KCTD16: variants seen among roughly 807,000 people sequenced by gnomAD.
KCTD16 encodes the protein BTB/POZ domain-containing protein KCTD16.
In KCTD16, 13 loss-of-function variants were observed where a neutral mutation model predicts 33.2. The ratio of observed to expected loss-of-function variants is 0.39; its 90% CI spans 0.25 to 0.62. KCTD16 has a LOEUF of 0.62. Among genes scored for constraint, KCTD16 ranks in the 20% least tolerant of loss-of-function variants. KCTD16 has a pLI of 0.50. For synonymous variants in KCTD16, 197 were observed against 195.3 expected (o/e 1.01, Z -0.07); for missense variants, 441 against 525.1 (o/e 0.84, Z 1.57).
At chr5:144,361,639 G>A (rs541716149) in intron 3 of KCTD16, among the ~76,000 whole-genome samples, 1 of 152,098 alleles carries the variant, frequency 6.6e-6, no homozygotes, top group East Asian at 1.9e-4. Context: ...TCCTTTTGGG[G>A]TATAGAAGGA....
intron 3 of KCTD16, among the ~76,000 whole-genome samples, chr5:144,211,339 T>C (rs1200372482): frequency 1.3e-5 from 2 of 152,126 alleles, no homozygotes; most frequent in African/African-American, 2.4e-5. Context: ...AGCCTTTTTT[T>C]TCTCCTGGCT....
intron 3 of KCTD16, among the ~76,000 whole-genome samples, chr5:144,455,511 G>A (rs1754041577): frequency 6.6e-6 from 1 of 152,224 alleles, no homozygotes; most frequent in Non-Finnish European, 1.5e-5. Flanking sequence ...GAAGACTTGA[G>A]TGACAGAGTT....
At chr5:144,299,114 A>AC (rs1756151107) in intron 3 of KCTD16, among the ~76,000 whole-genome samples, 1 of 14,706 alleles carries the variant, frequency 6.8e-5, no homozygotes, top group Non-Finnish European at 1.1e-4. Context: ...ATATATATAT[A>AC]TATATATATA....
At chr5:144,179,526 T>C (rs529554010) in intron 2 of KCTD16, among the ~76,000 whole-genome samples, 54 of 152,332 alleles carry the variant, frequency 3.5e-4, no homozygotes, top group Non-Finnish European at 6.6e-4. Flanking sequence ...GTCTCATCTG[T>C]CCAGTGTTGA....
At chr5:144,418,200 C>A (rs1753122538) in intron 3 of KCTD16, among the ~76,000 whole-genome samples, 1 of 152,064 alleles carries the variant, frequency 6.6e-6, no homozygotes, top group South Asian at 2.1e-4. Context: ...TAGTGCAGAC[C>A]CAAAGCATGA....
intron 3 of KCTD16, among the ~76,000 whole-genome samples, chr5:144,264,970 G>A (rs1426370598): frequency 2.6e-5 from 4 of 152,170 alleles, no homozygotes; most frequent in Non-Finnish European, 5.9e-5. Flanking sequence ...ACAGAAATGA[G>A]TAAATCTTCC....
At chr5:144,387,572 T>G (rs1341947462) in intron 3 of KCTD16, among the ~76,000 whole-genome samples, 2 of 152,200 alleles carry the variant, frequency 1.3e-5, no homozygotes, top group East Asian at 3.9e-4. Context: ...ACTCTTTTGC[T>G]TTCCTGGAAA....
chr5:144,183,565 G>A (rs1042660433), intron 2 of KCTD16, among the ~76,000 whole-genome samples: 1 of 152,038 alleles, frequency 6.6e-6, no homozygotes, highest in African/African-American at 2.4e-5. Flanking sequence ...GTACCATTCT[G>A]TTCCTCTGCC....
intron 3 of KCTD16, among the ~76,000 whole-genome samples, chr5:144,456,731 A>G (rs371639471): frequency 2.7e-5 from 4 of 149,364 alleles, no homozygotes; most frequent in East Asian, 2.0e-4. Flanking sequence ...TTGACACACT[A>G]TCTTTGAGAC....
intron 3 of KCTD16, among the ~76,000 whole-genome samples, chr5:144,409,281 G>T (rs1046585472): frequency 3.3e-5 from 5 of 151,972 alleles, no homozygotes; most frequent in Admixed American, 3.3e-4. Flanking sequence ...TTTTACATTG[G>T]TTATGCTCCA....
chr5:144,228,050 G>A (rs937421288), intron 3 of KCTD16, among the ~76,000 whole-genome samples: 1 of 152,196 alleles, frequency 6.6e-6, no homozygotes, highest in African/African-American at 2.4e-5. Context: ...ATGGGTCTGT[G>A]ATTGTAGGGC....
At chr5:144,224,997 T>C (rs756645772) in intron 3 of KCTD16, among the ~76,000 whole-genome samples, 4 of 152,152 alleles carry the variant, frequency 2.6e-5, no homozygotes, top group Non-Finnish European at 5.9e-5. Flanking sequence ...ATATTAAGAA[T>C]GGGGGTAAGG....
rs552942077 is a variant in KCTD16 at position 144,389,813 on chromosome 5, T to C, written c.833-83847T>C. 1.1e-3 allele frequency among the ~76,000 whole-genome samples: 173 copies of C among 152,298 alleles called. 2 individuals are homozygous for C. Among genetic ancestry groups the C allele is most frequent in the Admixed American group, 5.0e-3 (77 of 15,304 alleles). On this transcript the variant is annotated intron_variant, in intron 3 of 3. Coordinates refer to ENST00000512467, the MANE Select transcript of KCTD16 (RefSeq NM_020768.4). ...AGCATGCTGATAAACATTCTCTTGG[T>C]TGTGTCAAGCTGCCCTTTCTGTTGA... is the stretch of plus-strand genomic sequence containing the variant.
chr5:144,372,662 G>A (rs968485639), intron 3 of KCTD16, among the ~76,000 whole-genome samples: 1 of 152,188 alleles, frequency 6.6e-6, no homozygotes, highest in African/African-American at 2.4e-5. Flanking sequence ...GGACAAGGTG[G>A]ACATGCCAGG....
At chr5:144,472,789 A>G (rs916802869) in intron 3 of KCTD16, among the ~76,000 whole-genome samples, 4 of 152,212 alleles carry the variant, frequency 2.6e-5, no homozygotes, top group African/African-American at 9.6e-5. Context: ...TTCAGAGAGG[A>G]GAAAAAAGCA....
At chr5:144,347,987 C>A (rs182208320) in intron 3 of KCTD16, among the ~76,000 whole-genome samples, 32 of 152,356 alleles carry the variant, frequency 2.1e-4, no homozygotes, top group Non-Finnish European at 3.1e-4. Flanking sequence ...CCTAGGTATA[C>A]ATAGGCAGCA....
At chr5:144,303,922 C>A (rs1204173149) in intron 3 of KCTD16, among the ~76,000 whole-genome samples, 1 of 152,152 alleles carries the variant, frequency 6.6e-6, no homozygotes, top group African/African-American at 2.4e-5. Context: ...TCAACCTGGC[C>A]TATAGATGTC....
chr5:144,213,202 TTA>T (rs1329473690), intron 3 of KCTD16, among the ~76,000 whole-genome samples: 2 of 147,204 alleles, frequency 1.4e-5, no homozygotes, highest in African/African-American at 5.4e-5. Context: ...AATCTACATA[TTA>T]TATTATATTT....
intron 3 of KCTD16, among the ~76,000 whole-genome samples, chr5:144,228,101 T>C (rs1446314984): frequency 6.6e-6 from 1 of 152,138 alleles, no homozygotes; most frequent in Non-Finnish European, 1.5e-5. Context: ...GTCATCACCA[T>C]GTAGAATGTA....
Sources: gnomAD v4.1 joint callset for allele counts (sites outside exome capture counted in the v4.1 genomes callset) on GRCh38, gnomAD v4.1.1 for gene constraint, MANE v1.5 for transcripts, NCBI Gene and HGNC (gene_info 2026-07-23, HGNC 2026-07-21) for gene names.